The following CDH4 variants were observed in gnomAD, a reference collection of about 807,000 sequenced individuals.
The protein encoded by CDH4 is cadherin 4.
A neutral mutation model predicts 86.0 loss-of-function variants in CDH4; 33 were observed. The ratio of observed to expected loss-of-function variants is 0.38; its 90% CI spans 0.29 to 0.51. The LOEUF is 0.51. CDH4 is among the 20% of genes least tolerant of loss of function. CDH4 has a pLI of 0.86. For missense variants in CDH4, 1,114 were observed against 1,307.4 expected (o/e 0.85, Z 2.28); for synonymous variants, 555 against 549.4 (o/e 1.01, Z -0.14).
chr20:61,827,895 A>G (rs140929390), intron 4 of CDH4, among the ~76,000 whole-genome samples: 38 of 152,344 alleles, frequency 2.5e-4, no homozygotes, highest in African/African-American at 7.7e-4. Context: ...ATGGAAATAG[A>G]TCTAGTAGGT....
At chr20:61,399,656 G>A (rs1243319364) in intron 2 of CDH4, among the ~76,000 whole-genome samples, 1 of 152,174 alleles carries the variant, frequency 6.6e-6, no homozygotes, top group Non-Finnish European at 1.5e-5. Flanking sequence ...TGCAGGACTT[G>A]GCAAATTGGC....
At chr20:61,701,129 T>C (rs6061751) in intron 2 of CDH4, among the ~76,000 whole-genome samples, 141,032 of 152,190 alleles carry the variant, frequency 0.93, 65,346 homozygotes, top group East Asian at 0.97. Flanking sequence ...GCAGGTGCCA[T>C]CTTCTTCCCG....
intron 3 of CDH4, among the ~76,000 whole-genome samples, chr20:61,744,984 G>C (rs147066430): frequency 6.6e-6 from 1 of 152,354 alleles, no homozygotes; most frequent in Admixed American, 6.5e-5. Flanking sequence ...TGCAGGTCCA[G>C]CTGTTGCAGC....
At chr20:61,660,087 C>T (rs992163668) in intron 2 of CDH4, among the ~76,000 whole-genome samples, 2 of 152,220 alleles carry the variant, frequency 1.3e-5, no homozygotes, top group African/African-American at 4.8e-5. Context: ...GGTCTTCCAC[C>T]CCGGAGCTAA....
rs1467209982 is a variant in CDH4, at chr20:61,310,649, C to T, written c.169+55712C>T. Among the ~76,000 whole-genome samples the T allele has an allele frequency of 8.5e-5, 13 of 152,104 alleles. No homozygotes were observed. The South Asian group carries it at 1.2e-3, about 15-fold the overall frequency. Reference sequence around the variant, plus strand: ...ATGCACTGCCATGGGTCTGCAGCCCCGGGGTTGGGTACCCGCAGCTTAAAC... The same window carrying T: ...ATGCACTGCCATGGGTCTGCAGCCCTGGGGTTGGGTACCCGCAGCTTAAAC... On this transcript the variant is annotated intron_variant, in intron 2 of 15. Transcript: ENST00000614565.
At chr20:61,727,742 G>A (rs1389278369) in intron 2 of CDH4, among the ~76,000 whole-genome samples, 2 of 152,146 alleles carry the variant, frequency 1.3e-5, no homozygotes, top group Admixed American at 6.5e-5. Flanking sequence ...CAGTTCCCTT[G>A]GGAGCTTAGA....
intron 7 of CDH4, among the ~76,000 whole-genome samples, chr20:61,886,600 T>G (rs946907686): frequency 2.0e-5 from 3 of 152,004 alleles, no homozygotes; most frequent in African/African-American, 7.3e-5. Flanking sequence ...AGGGTTGACG[T>G]GGGGAGCAGA....
At chr20:61,572,197 G>A (rs1329004861) in intron 2 of CDH4, among the ~76,000 whole-genome samples, 2 of 152,286 alleles carry the variant, frequency 1.3e-5, no homozygotes, top group Non-Finnish European at 2.9e-5. Context: ...TATCAGCTCC[G>A]TGTTAAGTCC....
At chr20:61,262,437 C>G (rs73311197) in intron 2 of CDH4, among the ~76,000 whole-genome samples, 2 of 152,166 alleles carry the variant, frequency 1.3e-5, no homozygotes, top group African/African-American at 4.8e-5. Context: ...CCCCTTTGCA[C>G]GCTTTTGCCT....
At chr20:61,740,199 C>T (rs2088316857) in intron 2 of CDH4, among the ~76,000 whole-genome samples, 3 of 152,186 alleles carry the variant, frequency 2.0e-5, no homozygotes, top group South Asian at 2.1e-4. Flanking sequence ...CTGAGCTTCC[C>T]AGTAGCCTAA....
intron 4 of CDH4, among the ~76,000 whole-genome samples, chr20:61,836,155 A>G (rs1981866514): frequency 6.6e-6 from 1 of 152,228 alleles, no homozygotes; most frequent in Non-Finnish European, 1.5e-5. Flanking sequence ...GGGCCTGCCC[A>G]TCGGCTACGG....
chr20:61,902,386 C>G lies in CDH4; in HGVS notation c.1188+7339C>G, dbSNP rs1207444840. Reference sequence around the variant, plus strand: ...CAGTGCCCTAAATGCCAGCCATGCCCTGGGGCACGCGGTCACCACCCCGCA... The same window carrying G: ...CAGTGCCCTAAATGCCAGCCATGCCGTGGGGCACGCGGTCACCACCCCGCA... On this transcript the variant is annotated intron_variant, in intron 8 of 15. Coordinates refer to ENST00000614565, the MANE Select transcript of CDH4 (RefSeq NM_001794.5). The surrounding 1 kb of genome is among the most constrained non-coding windows in gnomAD (Gnocchi z 4.6). Among the ~76,000 whole-genome samples the G allele has an allele frequency of 2.6e-5, 4 of 152,262 alleles. No homozygotes were observed. Among genetic ancestry groups the G allele is most frequent in the African/African-American group, 9.6e-5 (4 of 41,480 alleles).
At chr20:61,777,121 T>C (rs535540162) in intron 4 of CDH4, among the ~76,000 whole-genome samples, 1 of 150,844 alleles carries the variant, frequency 6.6e-6, no homozygotes, top group African/African-American at 2.4e-5. Context: ...GAACTGGCTG[T>C]ATTTTCTGTC....
In CDH4 at chr20:61,739,468, G is replaced by A. The variant is rs561205098; in HGVS notation, c.170-4095G>A. 2.0e-5 allele frequency among the ~76,000 whole-genome samples: 3 copies of A among 152,314 alleles called. No individual in the cohort carries two copies. The East Asian group carries it at 5.8e-4, about 29-fold the overall frequency. The stretch of plus-strand genomic sequence containing the variant: ...ATGGGAATCCCAGGTACGAAGCCAG[G>A]GAATGAAACAAAAACAGGTGATGTG... On this transcript the variant is annotated intron_variant, in intron 2 of 15. Transcript: ENST00000614565.
intron 7 of CDH4, among the ~76,000 whole-genome samples, chr20:61,876,411 G>A (rs994532019): frequency 1.3e-5 from 2 of 152,246 alleles, no homozygotes; most frequent in Non-Finnish European, 1.5e-5. Flanking sequence ...TATATCGGCC[G>A]CGAGAGAGCA....
At chr20:61,349,280 G>C (rs2084696607) in intron 2 of CDH4, among the ~76,000 whole-genome samples, 1 of 152,238 alleles carries the variant, frequency 6.6e-6, no homozygotes, top group Admixed American at 6.5e-5. Context: ...CGTGGAGTTG[G>C]TGGTTCTGGG....
At chr20:61,496,857 C>T (rs1481547104) in intron 2 of CDH4, among the ~76,000 whole-genome samples, 1 of 151,920 alleles carries the variant, frequency 6.6e-6, no homozygotes, top group South Asian at 2.1e-4. Flanking sequence ...AATGAAAATA[C>T]TGCATGCAGC....
At chr20:61,572,419 T>C (rs1006358214) in intron 2 of CDH4, among the ~76,000 whole-genome samples, 1 of 152,204 alleles carries the variant, frequency 6.6e-6, no homozygotes, top group African/African-American at 2.4e-5. Context: ...TTTGCCTGGA[T>C]TCAAAGAAGG....
intron 2 of CDH4, among the ~76,000 whole-genome samples, chr20:61,685,393 CAG>C (rs772618911): frequency 5.9e-5 from 9 of 152,222 alleles, no homozygotes; most frequent in Non-Finnish European, 1.2e-4. Flanking sequence ...AGGCTCATGA[CAG>C]GGGTTGAGCA....
Sources: gnomAD v4.1 joint callset for allele counts (sites outside exome capture counted in the v4.1 genomes callset) on GRCh38, gnomAD v4.1.1 for gene constraint, Gnocchi (gnomAD v3.1) non-coding constraint, MANE v1.5 for transcripts, NCBI Gene and HGNC (gene_info 2026-07-23, HGNC 2026-07-21) for gene names.